The following WASHC2C variants were observed in gnomAD, a reference collection of about 807,000 sequenced individuals.
The protein encoded by WASHC2C is WASH complex subunit 2C, also known as Vaccinia Penetration Factor.
In WASHC2C, 73 loss-of-function variants were observed where a neutral mutation model predicts 142.2. The ratio of observed to expected loss-of-function variants is 0.51; its 90% confidence interval spans 0.43 to 0.62. WASHC2C has a LOEUF of 0.62. Ranked by LOEUF, WASHC2C falls within the 20% of genes least tolerant of loss-of-function variation. The pLI is 0.00. For synonymous variants in WASHC2C, 337 were observed against 565.5 expected (o/e 0.60, Z 5.73); for missense variants, 969 against 1,531.7 (o/e 0.63, Z 6.13).
At chr10:45,771,502 G>A (rs2056585148) in intron 20 of WASHC2C, 2 of 984,522 alleles carry the variant, frequency 2.0e-6, no homozygotes, top group Non-Finnish European at 2.4e-6. Flanking sequence ...CTGTATCCAG[G>A]TTAGCTTATT....
intron 19 of WASHC2C, among the ~76,000 whole-genome samples, chr10:45,766,516 T>C (rs1381744666): frequency 6.8e-6 from 1 of 146,326 alleles, no homozygotes; most frequent in Non-Finnish European, 1.5e-5. Flanking sequence ...TTCTGTTTTC[T>C]CAAATGCCAA....
chr10:45,754,952 T>G lies in WASHC2C; in HGVS notation c.1257T>G (p.Phe419Leu), dbSNP rs1564747200. The G allele has an allele frequency of 6.2e-7, 1 of 1,611,976 alleles. No individual in the cohort carries two copies. The highest frequency in any genetic ancestry group is 8.5e-7 in the Non-Finnish European group (1 of 1,179,830). The change falls in exon 15 of 31, where the codon TTT (phenylalanine) becomes TTG (leucine). Residue 419 changes from phenylalanine (F) to leucine (L), a missense_variant. Phe to Leu is a conservative substitution (Grantham distance 22, BLOSUM62 0). Transcript: ENST00000623400. ...VSVFLGDTDV[F>L]GAASVPSLKE... is the part of the protein sequence containing the mutation. ...CACTCACAGGAGACACGGATGTGTT[T>G]GGTGCTGCCTCCGTTCCATCACTGA...
At chr10:45,751,209 G>A (rs880000504) in intron 10 of WASHC2C, among the ~76,000 whole-genome samples, 1 of 151,252 alleles carries the variant, frequency 6.6e-6, no homozygotes, top group Non-Finnish European at 1.5e-5. Flanking sequence ...GTTATAACAG[G>A]GTAGAAAGAT....
chr10:45,734,488 T>A (rs1240891871), intron 3 of WASHC2C, among the ~76,000 whole-genome samples: 2 of 151,838 alleles, frequency 1.3e-5, no homozygotes, highest in African/African-American at 4.8e-5. Flanking sequence ...CGTATCATAA[T>A]TTATTTAATA....
upstream of WASHC2C, chr10:45,727,067 G>A: frequency 1.6e-6 from 2 of 1,243,462 alleles, no homozygotes; most frequent in Non-Finnish European, 2.1e-6. Context: ...AGCGTTCCTG[G>A]CGTCAGCCCC....
At chr10:45,769,410 G>A (rs1202280304) in intron 19 of WASHC2C, 39 bp from the exon 20 acceptor site, 60 of 1,574,778 alleles carry the variant, frequency 3.8e-5, no homozygotes, top group Middle Eastern at 2.3e-4. Context: ...GAGCCACTGC[G>A]CCTGGCCTGG....
chr10:45,770,053 A>G (rs1353829957), intron 20 of WASHC2C, among the ~76,000 whole-genome samples: 2 of 151,242 alleles, frequency 1.3e-5, no homozygotes, highest in Non-Finnish European at 2.9e-5. Flanking sequence ...AGCCTGGCCA[A>G]TATGGTGAAA....
intron 20 of WASHC2C, chr10:45,771,507 C>T: frequency 2.0e-6 from 2 of 984,512 alleles, no homozygotes; most frequent in Non-Finnish European, 1.2e-6. Context: ...TCCAGGTTAG[C>T]TTATTCCCAT....
At chr10:45,739,282 G>A (rs1377939797) in intron 4 of WASHC2C, among the ~76,000 whole-genome samples, 3 of 148,908 alleles carry the variant, frequency 2.0e-5, no homozygotes, top group Non-Finnish European at 3.0e-5. Context: ...TAAAATGCTC[G>A]TAGGGTTTTT....
In WASHC2C at chr10:45,734,066, T is replaced by C. The variant is rs562763964; in HGVS notation, c.292-3917T>C. On this transcript the variant is annotated intron_variant, in intron 3 of 30. Transcript: ENST00000623400. The stretch of plus-strand genomic sequence containing the variant: ...GTGAAGCTCCATCTTTACTAAAAAA[T>C]ACAAAAAAATTAGCCAGGCGTGGTG... Among the ~76,000 whole-genome samples the C allele has an allele frequency of 2.0e-5, 3 of 151,686 alleles. No individual in the cohort carries two copies. In the South Asian group the frequency reaches 6.2e-4, roughly 32 times the overall value.
intron 3 of WASHC2C, among the ~76,000 whole-genome samples, chr10:45,735,426 T>G (rs1326186954): frequency 6.6e-6 from 1 of 151,376 alleles, no homozygotes; most frequent in Non-Finnish European, 1.5e-5. Context: ...GATGGGGTTT[T>G]GCCATGGTTT....
chr10:45,785,394 T>C (rs541445256), intron 25 of WASHC2C, 115 bp from the exon 26 acceptor site: 5 of 1,276,994 alleles, frequency 3.9e-6, no homozygotes, highest in Non-Finnish European at 5.4e-6. Context: ...GGTTCAGCCC[T>C]CATTTGAGAA....
intron 21 of WASHC2C, among the ~76,000 whole-genome samples, chr10:45,775,585 T>C (rs2056989887): frequency 6.6e-6 from 1 of 150,502 alleles, no homozygotes; most frequent in Admixed American, 6.6e-5. Context: ...GGTAGCATTT[T>C]CTGTGGTTTA....
chr10:45,755,114 A>G lies in WASHC2C; in HGVS notation c.1419A>G (p.Thr473=), dbSNP rs782743075. 3 of 1,605,824 alleles carry G rather than the reference A, an allele frequency of 1.9e-6. No individual in the cohort carries two copies. In the African/African-American group the frequency reaches 4.0e-5, roughly 22 times the overall value. Residue 473 remains threonine, a splice_region_variant and synonymous_variant, in exon 15 of 31, where the codon ACA becomes ACG. Transcript: ENST00000623400. The part of the protein sequence containing the change: ...FSAPHSKPSK[T]RKVQSTADIF... ...CACCCCACAGCAAACCTTCTAAAAC[A>G]CGTATGTGTTCCTGCCTCCGTTTCT...
chr10:45,788,732 C>T (rs1470188783), intron 28 of WASHC2C, 139 bp from the exon 29 acceptor site: 19 of 1,371,338 alleles, frequency 1.4e-5, no homozygotes, highest in Non-Finnish European at 1.5e-5. Flanking sequence ...GAAATAACCT[C>T]TTCTATGTTC....
intron 28 of WASHC2C, among the ~76,000 whole-genome samples, chr10:45,787,717 G>A (rs2058147569): frequency 6.6e-6 from 1 of 151,960 alleles, no homozygotes; most frequent in Non-Finnish European, 1.5e-5. Flanking sequence ...CACACCAGGT[G>A]CCACTCCCTG....
intron 20 of WASHC2C, among the ~76,000 whole-genome samples, chr10:45,772,121 A>G (rs2056650916): frequency 6.6e-6 from 1 of 152,214 alleles, no homozygotes. Flanking sequence ...AGAAAATTTT[A>G]TGTTACTTGA....
chr10:45,774,934 T>G (rs2056923571), intron 21 of WASHC2C, among the ~76,000 whole-genome samples: 1 of 138,190 alleles, frequency 7.2e-6, no homozygotes, highest in South Asian at 2.4e-4. Context: ...CTCATTAGCC[T>G]TTTACCCTAA....
chr10:45,776,252 A>C (rs1287481055), intron 21 of WASHC2C, among the ~76,000 whole-genome samples: 14 of 152,192 alleles, frequency 9.2e-5, no homozygotes, highest in Non-Finnish European at 4.4e-5. Flanking sequence ...TGATTTAGGC[A>C]TTGCCTCAAA....
Sources: gnomAD v4.1 joint callset for allele counts (sites outside exome capture counted in the v4.1 genomes callset) on GRCh38, gnomAD v4.1.1 for gene constraint, MANE v1.5 for transcripts, NCBI Gene and HGNC (gene_info 2026-07-23, HGNC 2026-07-21) for gene names.